Variants in GREB1L observed in about 807,000 individuals in gnomAD.
GREB1L encodes the protein GREB1 like retinoic acid receptor coactivator.
A neutral mutation model predicts 200.8 loss-of-function variants in GREB1L; 17 were observed. The observed-to-expected ratio is 0.08, with a 90% CI of 0.06 to 0.13. The LOEUF (loss-of-function observed/expected upper bound fraction) is 0.13. Ranked by LOEUF, GREB1L falls within the 10% of genes least tolerant of loss-of-function variation. The pLI is 1.00. For missense variants in GREB1L, 1,657 were observed against 2,367.7 expected, an observed-to-expected ratio of 0.70 and a Z score of 6.23; for synonymous variants, 789 against 893.0, an observed-to-expected ratio of 0.88 and a Z score of 2.08.
In GREB1L at chr18:21,375,816, A is replaced by G. The variant is rs187372525; in HGVS notation, c.-9-7694A>G. 2.2e-4 allele frequency among the ~76,000 whole-genome samples: 33 copies of G among 152,288 alleles called. No homozygotes were observed. The East Asian group carries it at 6.4e-3, about 29-fold the overall frequency. On this transcript the variant is annotated intron_variant, in intron 2 of 32. Transcript: ENST00000424526. ...TTGCTCGGCACTTAGTAAGCTCTCC[A>G]TGCTACTCTTGCAATCACTGAAGGG...
At chr18:21,243,034 G>C (rs927842536) in intron 1 of GREB1L, among the ~76,000 whole-genome samples, 5 of 152,046 alleles carry the variant, frequency 3.3e-5, no homozygotes, top group African/African-American at 9.7e-5. Flanking sequence ...CGTGTCTTCC[G>C]GCCAGCATGT....
intron 1 of GREB1L, among the ~76,000 whole-genome samples, chr18:21,301,584 G>A (rs1009011904): frequency 2.0e-5 from 3 of 152,178 alleles, no homozygotes; most frequent in African/African-American, 7.2e-5. Flanking sequence ...CCTAGAAGTG[G>A]TAGAATTTAA....
chr18:21,283,195 G>A (rs1228831263), intron 1 of GREB1L, among the ~76,000 whole-genome samples: 1 of 152,074 alleles, frequency 6.6e-6, no homozygotes, highest in African/African-American at 2.4e-5. Flanking sequence ...TCCATGCATA[G>A]GGAACCTATC....
intron 1 of GREB1L, among the ~76,000 whole-genome samples, chr18:21,312,681 G>A (rs2038810812): frequency 6.6e-6 from 1 of 152,052 alleles, no homozygotes. Context: ...AGCCTCCCGA[G>A]TAGCTGTGAC....
intron 1 of GREB1L, among the ~76,000 whole-genome samples, chr18:21,292,613 G>A (rs1240048064): frequency 1.3e-5 from 2 of 152,124 alleles, no homozygotes; most frequent in African/African-American, 4.8e-5. Flanking sequence ...ATCATGTGTC[G>A]CCCTTTGTGT....
chr18:21,339,654 T>C (rs1447435162), intron 1 of GREB1L, among the ~76,000 whole-genome samples: 2 of 152,224 alleles, frequency 1.3e-5, no homozygotes, highest in African/African-American at 4.8e-5. Context: ...ATTATAAGAA[T>C]TAAGTGAAGC....
intron 1 of GREB1L, among the ~76,000 whole-genome samples, chr18:21,252,373 C>T (rs2037722194): frequency 6.6e-6 from 1 of 151,654 alleles, no homozygotes; most frequent in Admixed American, 6.6e-5. Context: ...GCCTAACCAA[C>T]ATGGAGAAAC....
chr18:21,479,063 A>G (rs1403971805), intron 17 of GREB1L, among the ~76,000 whole-genome samples: 1 of 151,810 alleles, frequency 6.6e-6, no homozygotes, highest in African/African-American at 2.4e-5. Context: ...TGTTTTTTTA[A>G]TAGAGACCAA....
intron 1 of GREB1L, among the ~76,000 whole-genome samples, chr18:21,278,398 AAATAAAT>A (rs2038211536): frequency 7.4e-6 from 1 of 134,920 alleles, no homozygotes; most frequent in African/African-American, 3.3e-5. Flanking sequence ...AAAAATAAAT[AAATAAAT>A]AAATAAATAA....
At chr18:21,347,823 G>C (rs2039371518) in intron 1 of GREB1L, among the ~76,000 whole-genome samples, 1 of 140,738 alleles carries the variant, frequency 7.1e-6, no homozygotes, top group African/African-American at 2.7e-5. Context: ...CTGGAGTGCA[G>C]TGGCACAATC....
rs1169324180 is a variant in GREB1L, at chr18:21,330,090, A to G, written c.-119-35937A>G. ...ATAATTAAGCCAGTTCTTATAGAACATGTGGGTCCTGGCTATGGGTCAGCT... is the reference window on the plus strand; with the variant it reads ...ATAATTAAGCCAGTTCTTATAGAACGTGTGGGTCCTGGCTATGGGTCAGCT... On this transcript the variant is annotated intron_variant, in intron 1 of 32. Coordinates refer to ENST00000424526, the MANE Select transcript of GREB1L (RefSeq NM_001142966.3). 2.0e-5 allele frequency among the ~76,000 whole-genome samples: 3 copies of G among 152,164 alleles called. No homozygotes were observed. In the East Asian group the frequency reaches 5.8e-4, roughly 30 times the overall value.
intron 1 of GREB1L, among the ~76,000 whole-genome samples, chr18:21,268,632 C>T (rs2038029498): frequency 6.9e-6 from 1 of 144,042 alleles, no homozygotes; most frequent in Non-Finnish European, 1.5e-5. Flanking sequence ...GGGTTTCATT[C>T]TCTTGCCCAG....
chr18:21,454,890 C>T (rs563451024), intron 15 of GREB1L: 51 of 365,078 alleles, frequency 1.4e-4, no homozygotes, highest in Non-Finnish European at 2.1e-4. Context: ...GGGTTGATGG[C>T]GTCTGTGCCA....
chr18:21,493,183 T>A (rs1350127359), intron 19 of GREB1L, among the ~76,000 whole-genome samples: 1 of 152,200 alleles, frequency 6.6e-6, no homozygotes, highest in Non-Finnish European at 1.5e-5. Context: ...ATCTCTACTT[T>A]TGGGTAAAAT....
At chr18:21,384,445 A>G (rs1326929809) in intron 4 of GREB1L, 42 bp downstream of exon 4, 1 of 1,439,218 alleles carries the variant, frequency 6.9e-7, no homozygotes, top group Non-Finnish European at 9.4e-7. Flanking sequence ...TTTGTCTCTA[A>G]TATTGTCTGA....
chr18:21,504,035 G>C (rs1191965280), intron 23 of GREB1L, among the ~76,000 whole-genome samples: 1 of 146,414 alleles, frequency 6.8e-6, no homozygotes, highest in African/African-American at 2.5e-5. Context: ...TCCGTCTCAG[G>C]GGTTCAAGTG....
chr18:21,497,040 C>T (rs1345373910), intron 21 of GREB1L, among the ~76,000 whole-genome samples: 1 of 152,200 alleles, frequency 6.6e-6, no homozygotes, highest in African/African-American at 2.4e-5. Context: ...CCCTGTTTTT[C>T]TTCCAGGTCC....
chr18:21,310,664 G>T (rs1396325902), intron 1 of GREB1L, among the ~76,000 whole-genome samples: 1 of 152,070 alleles, frequency 6.6e-6, no homozygotes, highest in African/African-American at 2.4e-5. Context: ...ACCCCCACAG[G>T]TCCCTATATC....
At position 21,477,322 on chromosome 18, in the gene GREB1L, G is replaced by A; in HGVS notation, c.2522G>A (p.Ser841Asn). The A allele has an allele frequency of 1.3e-6, 2 of 1,551,380 alleles. No individual in the cohort carries two copies. Among genetic ancestry groups the A allele is most frequent in the Non-Finnish European group, 1.7e-6 (2 of 1,146,790 alleles). The change falls in exon 17 of 33, where the codon AGC becomes AAC. Residue 841 changes from serine to asparagine, a missense_variant. Coordinates refer to ENST00000424526, the MANE Select transcript of GREB1L (RefSeq NM_001142966.3). ...LQTQQSRISS[S>N]NEVHWIQLDT... Reference sequence around the variant, plus strand: ...ACCCAACAGTCCCGCATTAGCTCTAGCAATGAGGTTCACTGGATACAGCTG... The same window carrying A: ...ACCCAACAGTCCCGCATTAGCTCTAACAATGAGGTTCACTGGATACAGCTG...
Sources: allele counts gnomAD v4.1 joint callset (sites outside exome capture counted in the v4.1 genomes callset), GRCh38; gene constraint gnomAD v4.1.1; transcripts MANE v1.5; gene names NCBI Gene and HGNC (gene_info 2026-07-23, HGNC 2026-07-21).